CNIH3: variants seen among roughly 807,000 people sequenced by gnomAD.
The protein encoded by CNIH3 is cornichon family AMPA receptor auxiliary protein 3.
Under a neutral mutation model 24.1 loss-of-function variants are expected in CNIH3, and 14 were observed. That is an observed-to-expected ratio of 0.58 (90% CI 0.38 to 0.91). The LOEUF (loss-of-function observed/expected upper bound fraction) is 0.91. CNIH3 is among the 40% of genes least tolerant of loss of function. CNIH3 has a pLI of 0.00. For missense variants in CNIH3, 178 were observed against 196.8 expected, an observed-to-expected ratio of 0.90 and a Z score of 0.57; for synonymous variants, 68 against 73.8, an observed-to-expected ratio of 0.92 and a Z score of 0.40.
upstream of CNIH3, chr1:224,616,265 G>C (rs1159211625): frequency 5.7e-6 from 1 of 176,546 alleles, no homozygotes; most frequent in Non-Finnish European, 1.2e-5. Flanking sequence ...AACAGGAGTC[G>C]AGGGTGGGGC....
chr1:224,589,214 G>A (rs551040506), downstream of CNIH3, among the ~76,000 whole-genome samples: 1 of 152,184 alleles, frequency 6.6e-6, no homozygotes, highest in African/African-American at 2.4e-5. Context: ...AATGCACCAC[G>A]TTGCTATTCC....
intron 1 of CNIH3, among the ~76,000 whole-genome samples, chr1:224,630,558 C>T (rs1427501435): frequency 6.6e-6 from 1 of 151,498 alleles, no homozygotes. Flanking sequence ...CCCACACTTA[C>T]CTGGCCATAT....
intron 1 of CNIH3, among the ~76,000 whole-genome samples, chr1:224,440,478 T>G (rs6426125): frequency 0.28 from 43,216 of 151,958 alleles, 7,656 homozygotes; most frequent in African/African-American, 0.49. Flanking sequence ...TCCTGCCTTT[T>G]CCTCCCAAAG....
chr1:224,498,225 CTTCAG>C (rs1677512424), intron 1 of CNIH3, among the ~76,000 whole-genome samples: 1 of 152,164 alleles, frequency 6.6e-6, no homozygotes, highest in African/African-American at 2.4e-5. Flanking sequence ...AGGACAATGG[CTTCAG>C]TTTCTTGCTC....
chr1:224,619,567 G>A (rs1399394494), intron 1 of CNIH3, among the ~76,000 whole-genome samples: 3 of 152,018 alleles, frequency 2.0e-5, no homozygotes, highest in Non-Finnish European at 2.9e-5. Context: ...CACTGATTTG[G>A]TTCCTGAACA....
chr1:224,484,699 G>A (rs1676959692), intron 1 of CNIH3, among the ~76,000 whole-genome samples: 1 of 152,038 alleles, frequency 6.6e-6, no homozygotes, highest in African/African-American at 2.4e-5. Context: ...TCTTCTCTGT[G>A]TTTCATCTTG....
At chr1:224,505,582 G>A (rs1677876637) in intron 1 of CNIH3, among the ~76,000 whole-genome samples, 1 of 152,118 alleles carries the variant, frequency 6.6e-6, no homozygotes, top group Admixed American at 6.5e-5. Context: ...CCTAGGGTAG[G>A]TGTAATTATC....
chr1:224,490,154 A>C (rs1677188536), intron 1 of CNIH3, among the ~76,000 whole-genome samples: 1 of 152,232 alleles, frequency 6.6e-6, no homozygotes, highest in Admixed American at 6.5e-5. Flanking sequence ...CTCATCCAAT[A>C]AAAAATGCAA....
At chr1:224,497,919 A>G (rs898121045) in intron 1 of CNIH3, among the ~76,000 whole-genome samples, 1 of 152,174 alleles carries the variant, frequency 6.6e-6, no homozygotes, top group African/African-American at 2.4e-5. Flanking sequence ...GTCTCAAGTG[A>G]TTAGTATTTT....
intron 1 of CNIH3, among the ~76,000 whole-genome samples, chr1:224,468,050 A>G (rs917993970): frequency 5.9e-5 from 9 of 151,916 alleles, no homozygotes; most frequent in Non-Finnish European, 8.8e-5. Flanking sequence ...ATTGATCTAC[A>G]TATTTATTCT....
intron 3 of CNIH3, among the ~76,000 whole-genome samples, chr1:224,728,259 C>T (rs977716977): frequency 2.0e-5 from 3 of 152,198 alleles, no homozygotes; most frequent in Admixed American, 2.0e-4. Context: ...CCGGGGCTGG[C>T]GCACCCAGCT....
intron 3 of CNIH3, among the ~76,000 whole-genome samples, chr1:224,549,760 A>T (rs1169523037): frequency 3.3e-5 from 5 of 152,134 alleles, no homozygotes; most frequent in Non-Finnish European, 7.4e-5. Flanking sequence ...AACACTGAAT[A>T]CTATGGAAAT....
rs1202657972 is a variant in CNIH3 at position 224,616,317 on chromosome 1, G to T, written c.-858G>T. The T allele has an allele frequency of 6.6e-6, 2 of 301,870 alleles. No homozygotes were observed. The highest frequency in any genetic ancestry group is 5.0e-5 in the South Asian group (1 of 20,112). The allele number at this position is 301,870 out of a possible 1,614,324, so 18.7% of individuals were successfully genotyped here. On this transcript the variant is annotated 5_prime_UTR_variant, in exon 1 of 6. Coordinates refer to ENST00000272133, the MANE Select transcript of CNIH3 (RefSeq NM_152495.2). ...CCCGGGTCGCACCGCTACAGTTCTCGCAGTGGCAAAGGCGGCGGCGGCGGC... is the reference window on the plus strand; with the variant it reads ...CCCGGGTCGCACCGCTACAGTTCTCTCAGTGGCAAAGGCGGCGGCGGCGGC...
intron 1 of CNIH3, among the ~76,000 whole-genome samples, chr1:224,465,897 G>A (rs1242039163): frequency 6.6e-6 from 1 of 151,862 alleles, no homozygotes; most frequent in Non-Finnish European, 1.5e-5. Context: ...GCATGGTGTC[G>A]GGCACCTGTA....
intron 1 of CNIH3, among the ~76,000 whole-genome samples, chr1:224,484,075 G>A (rs888918918): frequency 6.6e-6 from 1 of 151,808 alleles, no homozygotes; most frequent in African/African-American, 2.4e-5. Context: ...GGAGGCTGAG[G>A]CAGGAGAATT....
At chr1:224,506,917 T>C (rs909749122) in intron 1 of CNIH3, among the ~76,000 whole-genome samples, 2 of 152,020 alleles carry the variant, frequency 1.3e-5, no homozygotes, top group Admixed American at 6.6e-5. Flanking sequence ...GGCTGGAGTG[T>C]AGCAGTGTGA....
In CNIH3 at chr1:224,616,922, T is replaced by C. The variant is rs181139992; in HGVS notation, c.-253T>C. ...GGTTTCTTCTTCGATTTGCGGACGG[T>C]TCCCTCCAGCGACTCTCGACACACG... is the stretch of plus-strand genomic sequence containing the variant. On this transcript the variant is annotated 5_prime_UTR_variant, in exon 1 of 6. Transcript: ENST00000272133. The C allele has an allele frequency of 1.1e-5, 14 of 1,328,332 alleles. No homozygotes were observed. Among genetic ancestry groups the C allele is most frequent in the Non-Finnish European group, 1.2e-5 (13 of 1,043,756 alleles). 82.3% of individuals were successfully genotyped at this position (1,328,332 alleles called of 1,614,324 possible).
intron 1 of CNIH3, among the ~76,000 whole-genome samples, chr1:224,655,055 A>G (rs966304110): frequency 6.6e-6 from 1 of 152,200 alleles, no homozygotes; most frequent in African/African-American, 2.4e-5. Context: ...GTATAGGGTT[A>G]AAAAACCAAC....
chr1:224,720,179 G>A (rs1419233063), intron 3 of CNIH3, among the ~76,000 whole-genome samples: 2 of 151,576 alleles, frequency 1.3e-5, no homozygotes, highest in Non-Finnish European at 2.9e-5. Flanking sequence ...GTTTGTTAGG[G>A]CAAAATTTTT....
Sources: gnomAD v4.1 joint callset for allele counts (sites outside exome capture counted in the v4.1 genomes callset) on GRCh38, gnomAD v4.1.1 for gene constraint, MANE v1.5 for transcripts, NCBI Gene and HGNC (gene_info 2026-07-23, HGNC 2026-07-21) for gene names.